The following PTK2 variants were observed in gnomAD, a reference collection of about 807,000 sequenced individuals.
PTK2 encodes focal adhesion kinase 1.
Under a neutral mutation model 150.1 loss-of-function variants are expected in PTK2, and 45 were observed. The observed-to-expected ratio is 0.30, with a 90% CI of 0.24 to 0.38. PTK2 has a LOEUF of 0.38. Among genes scored for constraint, PTK2 ranks in the 10% least tolerant of loss-of-function variants. The pLI is 1.00. For missense variants in PTK2, 919 were observed against 1,307.3 expected, an observed-to-expected ratio of 0.70 and a Z score of 4.58; for synonymous variants, 432 against 449.2, an observed-to-expected ratio of 0.96 and a Z score of 0.48.
chr8:140,697,192 G>A (rs965785048), intron 26 of PTK2, among the ~76,000 whole-genome samples: 13 of 142,188 alleles, frequency 9.1e-5, no homozygotes, highest in Non-Finnish European at 1.4e-4. Context: ...AAAGTGCCTC[G>A]ATGCCATCAT....
intron 10 of PTK2, among the ~76,000 whole-genome samples, chr8:140,815,056 G>T (rs956247891): frequency 1.3e-5 from 2 of 152,124 alleles, no homozygotes; most frequent in Non-Finnish European, 2.9e-5. Flanking sequence ...TTACAGGTGT[G>T]AGCCACCGCG....
At chr8:140,717,058 C>T (rs2100040073) in intron 23 of PTK2, among the ~76,000 whole-genome samples, 1 of 152,140 alleles carries the variant, frequency 6.6e-6, no homozygotes, top group Non-Finnish European at 1.5e-5. Context: ...TCTAAGGATG[C>T]TGCCGGAAGA....
chr8:140,662,672 G>T, intron 31 of PTK2: 1 of 571,810 alleles, frequency 1.7e-6, no homozygotes, highest in Admixed American at 2.2e-5. Flanking sequence ...CAGGAGTTGT[G>T]TCCAACCGTC....
intron 14 of PTK2, among the ~76,000 whole-genome samples, chr8:140,782,910 T>A (rs2100082685): frequency 6.6e-6 from 1 of 152,108 alleles, no homozygotes; most frequent in South Asian, 2.1e-4. Flanking sequence ...AAGTATTATT[T>A]CCTTCCACAC....
chr8:140,913,586 G>A (rs1338040541), intron 2 of PTK2, among the ~76,000 whole-genome samples: 5 of 152,086 alleles, frequency 3.3e-5, no homozygotes, highest in Non-Finnish European at 7.3e-5. Flanking sequence ...GTGAGCCACT[G>A]AGTCCAGCCA....
At chr8:140,942,562 ACCT>A (rs2100176190) in intron 1 of PTK2, among the ~76,000 whole-genome samples, 1 of 152,152 alleles carries the variant, frequency 6.6e-6, no homozygotes, top group Non-Finnish European at 1.5e-5. Context: ...CTTTGGTGGT[ACCT>A]AATCCAGACA....
intron 22 of PTK2, among the ~76,000 whole-genome samples, chr8:140,729,054 A>G (rs2100047640): frequency 6.6e-6 from 1 of 152,074 alleles, no homozygotes; most frequent in Admixed American, 6.6e-5. Flanking sequence ...TCACTTAGGT[A>G]TGATACTGAG....
chr8:140,770,056 C>A (rs572415409), intron 14 of PTK2, among the ~76,000 whole-genome samples: 4 of 152,164 alleles, frequency 2.6e-5, no homozygotes, highest in African/African-American at 4.8e-5. Context: ...TTCCAATAAG[C>A]CAGTGGGATT....
At chr8:140,840,740 T>C (rs1226453499) in intron 7 of PTK2, among the ~76,000 whole-genome samples, 1 of 152,040 alleles carries the variant, frequency 6.6e-6, no homozygotes, top group Non-Finnish European at 1.5e-5. Context: ...AAATAAATAA[T>C]AAAAGCGAGT....
At chr8:140,781,999 C>T (rs544722054) in intron 14 of PTK2, among the ~76,000 whole-genome samples, 3 of 152,126 alleles carry the variant, frequency 2.0e-5, no homozygotes, top group East Asian at 3.9e-4. Flanking sequence ...ATGCACAACA[C>T]GATCAGCCAG....
intron 10 of PTK2, among the ~76,000 whole-genome samples, chr8:140,804,693 C>G (rs935459956): frequency 6.6e-5 from 10 of 152,168 alleles, no homozygotes; most frequent in African/African-American, 2.4e-4. Flanking sequence ...CATTGCATGG[C>G]GAACAGATGA....
At chr8:140,687,410 C>T (rs550908743) in intron 26 of PTK2, among the ~76,000 whole-genome samples, 1 of 152,316 alleles carries the variant, frequency 6.6e-6, no homozygotes, top group East Asian at 1.9e-4. Context: ...GACACCCTTT[C>T]TTGGCAGCAT....
At chr8:140,832,137 T>G (rs2154603028) in intron 7 of PTK2, among the ~76,000 whole-genome samples, 1 of 152,342 alleles carries the variant, frequency 6.6e-6, no homozygotes, top group South Asian at 2.1e-4. Context: ...CACTGCACCC[T>G]CTGCCTCCCA....
intron 23 of PTK2, among the ~76,000 whole-genome samples, chr8:140,710,540 A>G (rs973828692): frequency 4.6e-5 from 7 of 151,868 alleles, no homozygotes; most frequent in African/African-American, 1.7e-4. Flanking sequence ...GCGTGGTGGC[A>G]CACTCCTGTA....
chr8:140,713,114 C>T (rs925426033), intron 23 of PTK2, among the ~76,000 whole-genome samples: 6 of 152,248 alleles, frequency 3.9e-5, no homozygotes, highest in Non-Finnish European at 5.9e-5. Flanking sequence ...TTCACTGCTT[C>T]ATCAAGGCCA....
chr8:140,714,078 C>T (rs1476520654), intron 23 of PTK2, among the ~76,000 whole-genome samples: 1 of 151,938 alleles, frequency 6.6e-6, no homozygotes, highest in Non-Finnish European at 1.5e-5. Context: ...TCTGTAAAGA[C>T]AGTCTCATCC....
At chr8:140,929,680 T>C (rs192830248) in intron 1 of PTK2, among the ~76,000 whole-genome samples, 1 of 152,070 alleles carries the variant, frequency 6.6e-6, no homozygotes, top group Non-Finnish European at 1.5e-5. Flanking sequence ...ACCCTAAATT[T>C]AAAGGTCCAT....
At chr8:140,900,550 C>G (rs539615154) in intron 2 of PTK2, among the ~76,000 whole-genome samples, 48 of 151,986 alleles carry the variant, frequency 3.2e-4, no homozygotes, top group South Asian at 2.7e-3. Flanking sequence ...GGCGAAACCC[C>G]ATCTCTACTA....
intron 22 of PTK2, among the ~76,000 whole-genome samples, chr8:140,726,965 T>C (rs907504429): frequency 2.0e-5 from 3 of 152,222 alleles, no homozygotes; most frequent in African/African-American, 7.2e-5. Context: ...TAAATGGACA[T>C]TCCTGCTGGC....
Sources: allele counts gnomAD v4.1 joint callset (sites outside exome capture counted in the v4.1 genomes callset), GRCh38; gene constraint gnomAD v4.1.1; transcripts MANE v1.5; gene names NCBI Gene and HGNC (gene_info 2026-07-23, HGNC 2026-07-21).